Variants in NOSTRIN observed in about 807,000 individuals in gnomAD.
NOSTRIN encodes BM247 homolog.
NOSTRIN carries 63 observed loss-of-function variants against 59.0 expected under a neutral mutation model. That is an observed-to-expected ratio of 1.07 (90% CI 0.87 to 1.32). The LOEUF is 1.32. NOSTRIN is among the 40% of genes most tolerant of loss of function. The pLI, the probability that NOSTRIN is intolerant of heterozygous loss-of-function variation, is 0.00. For synonymous variants in NOSTRIN, 200 were observed against 165.4 expected, an observed-to-expected ratio of 1.21 and a Z score of -1.61; for missense variants, 512 against 473.1, an observed-to-expected ratio of 1.08 and a Z score of -0.76.
intron 7 of NOSTRIN, among the ~76,000 whole-genome samples, chr2:168,838,206 C>G (rs1325898234): frequency 2.0e-5 from 3 of 152,140 alleles, no homozygotes; most frequent in Non-Finnish European, 4.4e-5. Context: ...TTTTTTTCTA[C>G]CAAAGATAAT....
intron 15 of NOSTRIN, among the ~76,000 whole-genome samples, chr2:168,863,847 C>CATCAGCTACATAGAAATAGAAA (rs1689656981): frequency 1.3e-5 from 2 of 152,114 alleles, no homozygotes; most frequent in African/African-American, 4.8e-5. Context: ...GGTGACAATC[C>CATCAGCTACATAGAAATAGAAA]ATCAGCTACA....
At chr2:168,839,904 T>C (rs1346922185) in intron 7 of NOSTRIN, among the ~76,000 whole-genome samples, 1 of 85,768 alleles carries the variant, frequency 1.2e-5, no homozygotes. Context: ...AAAAAAAATA[T>C]ATATATATAT....
At chr2:168,834,507 G>GCGTGCGCGCACACACA in intron 7 of NOSTRIN, among the ~76,000 whole-genome samples, 182 bp downstream of exon 7, 1 of 125,434 alleles carries the variant, frequency 8.0e-6, no homozygotes, top group African/African-American at 3.1e-5. Context: ...GCGCGCGCGC[G>GCGTGCGCGCACACACA]CACACACACA....
At chr2:168,802,592 A>G, upstream of NOSTRIN, 1 of 856,966 alleles carries the variant, frequency 1.2e-6, no homozygotes, top group Admixed American at 1.8e-5. Context: ...CCTTGATTAC[A>G]GTGTCCAGAA....
chr2:168,822,051 C>T lies in NOSTRIN; in HGVS notation c.114-2583C>T, dbSNP rs142847684. ...GTAGAGATCTCCTGGGGTTCCAGAG[C>T]ATCTGAGTTCATCAAGGGTGATGGT... On this transcript the variant is annotated intron_variant, in intron 2 of 15. Coordinates refer to ENST00000317647, the MANE Select transcript of NOSTRIN (RefSeq NM_001039724.4). Among the ~76,000 whole-genome samples, 116 of 152,342 alleles carry T rather than the reference C, an allele frequency of 7.6e-4. No homozygotes were observed. The East Asian group carries it at 0.017, about 23-fold the overall frequency.
At chr2:168,844,071 T>C (rs533975571) in intron 8 of NOSTRIN, among the ~76,000 whole-genome samples, 46 of 152,354 alleles carry the variant, frequency 3.0e-4, no homozygotes, top group African/African-American at 1.1e-3. Flanking sequence ...AAAAACATGA[T>C]GTTGAGGAAA....
intron 1 of NOSTRIN, among the ~76,000 whole-genome samples, chr2:168,807,384 T>C (rs1332302446): frequency 6.6e-6 from 1 of 152,198 alleles, no homozygotes; most frequent in Non-Finnish European, 1.5e-5. Context: ...TGGTACATAA[T>C]GAAAAGTACA....
intron 8 of NOSTRIN, among the ~76,000 whole-genome samples, chr2:168,850,661 C>G (rs148257202): frequency 0.01 from 1,549 of 151,084 alleles, 22 homozygotes; most frequent in Non-Finnish European, 0.015. Context: ...GCCTGTAATC[C>G]TAGCACTTTG....
intron 3 of NOSTRIN, among the ~76,000 whole-genome samples, chr2:168,826,299 T>C (rs1246815138): frequency 6.6e-6 from 1 of 152,176 alleles, no homozygotes. Flanking sequence ...AGGTCCAGAA[T>C]GTTAGGCCAA....
At chr2:168,849,264 G>A (rs1334755066) in intron 8 of NOSTRIN, among the ~76,000 whole-genome samples, 1 of 152,144 alleles carries the variant, frequency 6.6e-6, no homozygotes, top group Non-Finnish European at 1.5e-5. Context: ...TGCAGGAGTT[G>A]GGATGGTGGG....
intron 8 of NOSTRIN, among the ~76,000 whole-genome samples, chr2:168,846,702 C>T (rs1014013099): frequency 6.6e-6 from 1 of 152,314 alleles, no homozygotes; most frequent in African/African-American, 2.4e-5. Context: ...GAAGTACTTA[C>T]TCAAGGAATT....
At chr2:168,789,399 G>C (rs777321063) in intron 2 of NOSTRIN, among the ~76,000 whole-genome samples, 8 of 152,172 alleles carry the variant, frequency 5.3e-5, no homozygotes, top group Non-Finnish European at 1.2e-4. Context: ...GTGGCTGCAG[G>C]CAAGAGGGCT....
At chr2:168,796,061 A>G (rs1359604767), upstream of NOSTRIN, among the ~76,000 whole-genome samples, 1 of 152,264 alleles carries the variant, frequency 6.6e-6, no homozygotes, top group East Asian at 1.9e-4. Flanking sequence ...CAATGATCCC[A>G]GACTGAAAAT....
chr2:168,847,040 A>G (rs780690121), intron 8 of NOSTRIN, among the ~76,000 whole-genome samples: 1 of 152,254 alleles, frequency 6.6e-6, no homozygotes, highest in African/African-American at 2.4e-5. Context: ...GGCAGCAAAC[A>G]TCCCAAATGT....
chr2:168,860,085 G>A (rs1425938297), intron 13 of NOSTRIN, among the ~76,000 whole-genome samples: 2 of 152,176 alleles, frequency 1.3e-5, no homozygotes, highest in African/African-American at 4.8e-5. Flanking sequence ...CTGATCAGAA[G>A]GGGGAACTGT....
chr2:168,815,791 C>T (rs537777169), intron 2 of NOSTRIN, among the ~76,000 whole-genome samples: 4 of 152,132 alleles, frequency 2.6e-5, no homozygotes, highest in Non-Finnish European at 5.9e-5. Flanking sequence ...GTATATTGGA[C>T]ATCTCCACCT....
chr2:168,793,779 A>C (rs1010055410), upstream of NOSTRIN, among the ~76,000 whole-genome samples: 1 of 152,190 alleles, frequency 6.6e-6, no homozygotes, highest in East Asian at 1.9e-4. Flanking sequence ...CTCATGAACT[A>C]TAAGGTCCCA....
intron 8 of NOSTRIN, among the ~76,000 whole-genome samples, chr2:168,849,642 C>T (rs1396795630): frequency 1.4e-5 from 2 of 146,400 alleles, no homozygotes; most frequent in African/African-American, 2.5e-5. Flanking sequence ...AGGCATGAGC[C>T]ACCGCACCTA....
At chr2:168,837,696 T>A (rs1198915541) in intron 7 of NOSTRIN, among the ~76,000 whole-genome samples, 1 of 152,160 alleles carries the variant, frequency 6.6e-6, no homozygotes, top group Non-Finnish European at 1.5e-5. Context: ...CTAATCAAGC[T>A]TTCCCCATCT....
Sources: gnomAD v4.1 joint callset for allele counts (sites outside exome capture counted in the v4.1 genomes callset) on GRCh38, gnomAD v4.1.1 for gene constraint, MANE v1.5 for transcripts, NCBI Gene and HGNC (gene_info 2026-07-23, HGNC 2026-07-21) for gene names.